ESCO2: variants seen among roughly 807,000 people sequenced by gnomAD.
ESCO2 encodes the protein N-acetyltransferase ESCO2.
ESCO2 carries 51 observed loss-of-function variants against 61.7 expected under a neutral mutation model. The ratio of observed to expected loss-of-function variants is 0.83; its 90% CI spans 0.66 to 1.04. The LOEUF is 1.04. ESCO2 is among the 50% of genes least tolerant of loss of function. The probability of loss-of-function intolerance (pLI) is 0.00; values close to 1 mark genes in which losing one functional copy is unlikely to be tolerated. For synonymous variants in ESCO2, 230 were observed against 238.2 expected, an observed-to-expected ratio of 0.97 and a Z score of 0.32; for missense variants, 692 against 686.2, an observed-to-expected ratio of 1.01 and a Z score of -0.09.
chr8:27,793,489 T>G (rs1405649486), intron 9 of ESCO2, among the ~76,000 whole-genome samples: 2 of 150,158 alleles, frequency 1.3e-5, no homozygotes, highest in Non-Finnish European at 3.0e-5. Flanking sequence ...GTTTTTTTTT[T>G]TTTTTTTCTT....
chr8:27,814,989 C>T (rs1805782694), downstream of ESCO2, among the ~76,000 whole-genome samples: 1 of 152,108 alleles, frequency 6.6e-6, no homozygotes, highest in Non-Finnish European at 1.5e-5. Context: ...TGAAAATTTT[C>T]AGTATTTGAT....
In ESCO2 at chr8:27,776,374, C is replaced by T; in HGVS notation, c.66C>T (p.Phe22=). The T allele has an allele frequency of 6.2e-7, 1 of 1,604,880 alleles. No individual in the cohort carries two copies. The highest frequency in any genetic ancestry group is 8.5e-7 in the Non-Finnish European group (1 of 1,175,324). ...DSLKCDSLLH[F]TENLFPSPNK... is the part of the protein sequence containing the mutation. ...TTTCTTTTTATAGCCTTTTACACTT[C>T]ACTGAAAATCTGTTTCCATCACCTA... Residue 22 remains phenylalanine, a synonymous_variant, in exon 3 of 11, where the codon TTC becomes TTT. Transcript: ENST00000305188.
Position 27,804,494 on chromosome 8 carries a change from G to A in ESCO2, c.*1056G>A. ...TAAATATACATAGGCTGGTGGATGA[G>A]AGACCATGGAACTGTGTAAATACAC... On this transcript the variant is annotated 3_prime_UTR_variant, in exon 11 of 11. Transcript: ENST00000305188. 2 of 985,424 alleles carry A rather than the reference G, an allele frequency of 2.0e-6. No individual in the cohort carries two copies. The highest frequency in any genetic ancestry group is 2.4e-6 in the Non-Finnish European group (2 of 829,922). The allele number at this position is 985,424 out of a possible 1,614,324, so 61.0% of individuals were successfully genotyped here. A position where few individuals can be genotyped will look rare whatever the true frequency, so the allele number is the denominator to read the frequency against.
At chr8:27,815,655 C>T (rs1255311190), downstream of ESCO2, among the ~76,000 whole-genome samples, 1 of 152,174 alleles carries the variant, frequency 6.6e-6, no homozygotes, top group African/African-American at 2.4e-5. Context: ...CAGATTCCTA[C>T]AAGGATCCAT....
intron 2 of ESCO2, among the ~76,000 whole-genome samples, 175 bp downstream of exon 2, chr8:27,775,742 T>G (rs924058722): frequency 5.9e-5 from 9 of 152,270 alleles, no homozygotes; most frequent in Non-Finnish European, 1.0e-4. Context: ...GTTTTCATAA[T>G]GAATTATTTA....
chr8:27,800,495 G>A (rs1167633019), intron 10 of ESCO2, among the ~76,000 whole-genome samples: 1 of 152,182 alleles, frequency 6.6e-6, no homozygotes, highest in Non-Finnish European at 1.5e-5. Context: ...AGAGGAAACT[G>A]AAACCCTTGT....
chr8:27,775,020 A>T (rs1041833802), intron 1 of ESCO2, among the ~76,000 whole-genome samples: 1 of 152,126 alleles, frequency 6.6e-6, no homozygotes. Context: ...TTTGGGGGGA[A>T]TTTCCCTGAT....
downstream of ESCO2, chr8:27,812,693 T>C (rs1805716202): frequency 6.7e-6 from 1 of 150,162 alleles, no homozygotes; most frequent in Non-Finnish European, 1.5e-5. Flanking sequence ...AAAGAAGACA[T>C]TTATGCAGCC....
intron 5 of ESCO2, among the ~76,000 whole-genome samples, chr8:27,787,207 T>G (rs1324279150): frequency 6.6e-6 from 1 of 152,152 alleles, no homozygotes; most frequent in South Asian, 2.1e-4. Flanking sequence ...CCAAAACATA[T>G]CTGCTAGCTA....
At chr8:27,813,389 C>T (rs899295415), downstream of ESCO2, among the ~76,000 whole-genome samples, 4 of 151,944 alleles carry the variant, frequency 2.6e-5, no homozygotes, top group Admixed American at 2.6e-4. Context: ...TGCAGCAAAC[C>T]AACATGGCAC....
Position 27,804,159 on chromosome 8 carries a change from G to T in ESCO2, c.*721G>T. ...GGTAAGGAATAAGATTATCCCATATGCATTTCTGTAGAGCAGAATTTGATA... is the reference window on the plus strand; with the variant it reads ...GGTAAGGAATAAGATTATCCCATATTCATTTCTGTAGAGCAGAATTTGATA... On this transcript the variant is annotated 3_prime_UTR_variant, in exon 11 of 11. Coordinates refer to ENST00000305188, the MANE Select transcript of ESCO2 (RefSeq NM_001017420.3). The T allele has an allele frequency of 1.0e-6, 1 of 985,334 alleles. No individual in the cohort carries two copies. Among genetic ancestry groups the T allele is most frequent in the South Asian group, 4.7e-5 (1 of 21,290 alleles). The allele number at this position is 985,334 out of a possible 1,614,324, so 61.0% of individuals were successfully genotyped here. A position where few individuals can be genotyped will look rare whatever the true frequency, so the allele number is the denominator to read the frequency against.
intron 4 of ESCO2, among the ~76,000 whole-genome samples, chr8:27,782,295 ACT>A (rs546839903): frequency 2.0e-3 from 300 of 151,948 alleles, no homozygotes; most frequent in Non-Finnish European, 3.5e-3. Context: ...ACAGAGGCTC[ACT>A]CTCACCCAGG....
intron 3 of ESCO2, 36 bp downstream of exon 3, chr8:27,777,205 T>C (rs1804814669): frequency 6.4e-7 from 1 of 1,565,546 alleles, no homozygotes; most frequent in Non-Finnish European, 8.7e-7. Context: ...AATGGCTGTA[T>C]AACAAAACTT....
At chr8:27,787,046 C>G (rs994090621) in intron 5 of ESCO2, among the ~76,000 whole-genome samples, 18 of 151,998 alleles carry the variant, frequency 1.2e-4, no homozygotes, top group African/African-American at 4.3e-4. Context: ...ATGTGCTATT[C>G]CAAGTTCGAA....
At chr8:27,799,172 T>A (rs1175745196) in intron 9 of ESCO2, among the ~76,000 whole-genome samples, 1 of 152,192 alleles carries the variant, frequency 6.6e-6, no homozygotes, top group Non-Finnish European at 1.5e-5. Flanking sequence ...CCAAATTTCA[T>A]AGTTAATAGA....
the ESCO2 span, among the ~76,000 whole-genome samples, chr8:27,818,488 A>T: frequency 3.7e-3 from 568 of 152,316 alleles, 3 homozygotes; most frequent in Middle Eastern, 6.8e-3. Flanking sequence ...ACACAGTGTG[A>T]TGAGTGTTGA....
Position 27,803,448 on chromosome 8 carries a change from CAGT to C in ESCO2, c.*11_*13del. 1.2e-6 allele frequency: 2 copies of C among 1,612,452 alleles called. No homozygotes were observed. The highest frequency in any genetic ancestry group is 1.7e-6 in the Non-Finnish European group (2 of 1,178,708). On this transcript the variant is annotated 3_prime_UTR_variant, in exon 11 of 11. Transcript: ENST00000305188. ...TAATTTTAATAGTTAAAGCTGATTT[CAGT>C]TATAAAGGAGTTACTATCTGGATAA...
chr8:27,783,134 T>G (rs530086595), intron 4 of ESCO2, among the ~76,000 whole-genome samples: 76 of 152,326 alleles, frequency 5.0e-4, no homozygotes, highest in African/African-American at 1.7e-3. Flanking sequence ...TGCCTACATT[T>G]TATTGTTACT....
In ESCO2 at chr8:27,792,037, C is replaced by G; in HGVS notation, c.1338C>G (p.Ser446Arg). The change falls in exon 8 of 11, where the codon AGC (serine) becomes AGG (arginine). Residue 446 changes from serine to arginine, a missense_variant. Transcript: ENST00000305188. ...KIVLVLPHDPSFAIKKVEDVQ... is the reference protein window; with the variant it reads ...KIVLVLPHDPRFAIKKVEDVQ... ...TGTTGGTTCTGCCACATGATCCAAG[C>G]TTTGCTATCAAAAAGGTATGGAACA... 6.2e-7 allele frequency: 1 copy of G among 1,614,014 alleles called. No homozygotes were observed. Among genetic ancestry groups the G allele is most frequent in the African/African-American group, 1.3e-5 (1 of 75,010 alleles).
Sources: gnomAD v4.1 joint callset for allele counts (sites outside exome capture counted in the v4.1 genomes callset) on GRCh38, gnomAD v4.1.1 for gene constraint, MANE v1.5 for transcripts, NCBI Gene and HGNC (gene_info 2026-07-23, HGNC 2026-07-21) for gene names.